The following PLCG2 variants were observed in gnomAD, a reference collection of about 807,000 sequenced individuals.
PLCG2 encodes the protein 1-phosphatidylinositol 4,5-bisphosphate phosphodiesterase gamma-2.
A neutral mutation model predicts 175.6 loss-of-function variants in PLCG2; 69 were observed. That is an observed-to-expected ratio of 0.39 (90% CI 0.32 to 0.48). The LOEUF (loss-of-function observed/expected upper bound fraction) is 0.48. PLCG2 is among the 20% of genes least tolerant of loss of function. PLCG2 has a pLI of 0.91. For synonymous variants in PLCG2, 827 were observed against 624.0 expected, an observed-to-expected ratio of 1.33 and a Z score of -4.85; for missense variants, 1,798 against 1,650.9, an observed-to-expected ratio of 1.09 and a Z score of -1.54.
chr16:81,815,689 C>T (rs558224124), intron 2 of PLCG2, among the ~76,000 whole-genome samples: 1 of 152,056 alleles, frequency 6.6e-6, no homozygotes, highest in African/African-American at 2.4e-5. Flanking sequence ...TTCCAGTTCC[C>T]ATGCAGGTGG....
intron 24 of PLCG2, among the ~76,000 whole-genome samples, chr16:81,930,403 G>C (rs1910450958): frequency 6.6e-6 from 1 of 152,062 alleles, no homozygotes; most frequent in Non-Finnish European, 1.5e-5. Flanking sequence ...GCATTCTTCA[G>C]TCTCCACATT....
At chr16:81,937,933 G>A (rs893867589) in intron 28 of PLCG2, 30 bp downstream of exon 28, 1 of 1,611,356 alleles carries the variant, frequency 6.2e-7, no homozygotes, top group Non-Finnish European at 8.5e-7. Flanking sequence ...CCTGCCAGGG[G>A]AGCCAGCCGC....
In PLCG2 at chr16:81,945,465, G is replaced by C. The variant is rs537366945; in HGVS notation, c.3482-710G>C. On this transcript the variant is annotated intron_variant, in intron 30 of 32. Transcript: ENST00000564138. ...GTTAACCATGGTTCCTTTTAGGACA[G>C]AGAGGAGGATTGGGTGGGAGTGACC... 1.2e-4 allele frequency among the ~76,000 whole-genome samples: 18 copies of C among 152,250 alleles called. 1 individual carries two copies. Among genetic ancestry groups the C allele is most frequent in the Non-Finnish European group, 2.4e-4 (16 of 68,050 alleles).
chr16:81,901,252 G>A (rs547598304), intron 14 of PLCG2, among the ~76,000 whole-genome samples: 100 of 152,336 alleles, frequency 6.6e-4, no homozygotes, highest in African/African-American at 2.3e-3. Flanking sequence ...GCTAGAAAAG[G>A]CTGAGTGCAG....
chr16:81,797,321 G>C (rs1200379182), intron 2 of PLCG2, among the ~76,000 whole-genome samples: 1 of 152,116 alleles, frequency 6.6e-6, no homozygotes, highest in African/African-American at 2.4e-5. Flanking sequence ...CCCCTAGTCT[G>C]TCTTAGATAT....
chr16:81,841,245 TTTATTTA>T (rs869052607), intron 2 of PLCG2, among the ~76,000 whole-genome samples: 1 of 125,470 alleles, frequency 8.0e-6, no homozygotes, highest in South Asian at 2.5e-4. Flanking sequence ...TATTTATTTA[TTTATTTA>T]TTGAGATAGA....
intron 2 of PLCG2, among the ~76,000 whole-genome samples, chr16:81,849,561 C>G (rs1415615959): frequency 6.6e-6 from 1 of 152,032 alleles, no homozygotes. Context: ...GAGTTCGAGA[C>G]AAGCCTGACC....
chr16:81,897,585 G>A (rs145408536), intron 13 of PLCG2, among the ~76,000 whole-genome samples: 4 of 132,980 alleles, frequency 3.0e-5, no homozygotes, highest in East Asian at 4.4e-4. Flanking sequence ...TCCCTCTGTC[G>A]CCCAGGCTAG....
chr16:81,858,822 A>G (rs1211135455), intron 4 of PLCG2, among the ~76,000 whole-genome samples: 1 of 150,440 alleles, frequency 6.6e-6, no homozygotes, highest in Non-Finnish European at 1.5e-5. Context: ...CACTAAATCA[A>G]AGTCCTCTAC....
chr16:81,770,677 G>A (rs934357056), intron 2 of PLCG2, among the ~76,000 whole-genome samples: 11 of 152,028 alleles, frequency 7.2e-5, no homozygotes, highest in Admixed American at 1.3e-4. Flanking sequence ...CTGAGATTGC[G>A]CCACTGCCCT....
chr16:81,826,053 A>G (rs759949467), intron 2 of PLCG2, among the ~76,000 whole-genome samples: 1 of 152,150 alleles, frequency 6.6e-6, no homozygotes, highest in Admixed American at 6.6e-5. Flanking sequence ...TTCAAACTCA[A>G]CGTGTCCAAA....
intron 2 of PLCG2, among the ~76,000 whole-genome samples, chr16:81,850,383 G>A (rs894550817): frequency 6.6e-6 from 1 of 152,164 alleles, no homozygotes; most frequent in Admixed American, 6.5e-5. Flanking sequence ...TTCAGTGCAC[G>A]AAAAGGATCT....
chr16:81,860,604 A>G (rs1261117657), intron 5 of PLCG2, among the ~76,000 whole-genome samples: 2 of 152,026 alleles, frequency 1.3e-5, no homozygotes, highest in Admixed American at 6.6e-5. Flanking sequence ...TGCTTTCTTT[A>G]TGGGTGAGGT....
chr16:81,957,983 C>A lies in PLCG2; in HGVS notation c.3783C>A (p.Ser1261Arg). The part of the protein sequence containing the change: ...KRLREKRVSN[S>R]KFYS The stretch of plus-strand genomic sequence containing the variant: ...TAAGAGAGAAGAGAGTCAGCAACAG[C>A]AAGTTTTACTCATAGAAGCTGGGGT... The change falls in exon 33 of 33, where the codon AGC (serine) becomes AGA (arginine). Residue 1261 changes from serine to arginine, a missense_variant. Physicochemically the swap from Ser to Arg is moderately radical, Grantham distance 110. Transcript: ENST00000564138. The A allele has an allele frequency of 1.2e-6, 2 of 1,613,010 alleles. No homozygotes were observed. Among genetic ancestry groups the A allele is most frequent in the Middle Eastern group, 1.7e-4 (1 of 6,058 alleles).
At chr16:81,816,588 C>A (rs1191211341) in intron 2 of PLCG2, among the ~76,000 whole-genome samples, 1 of 150,898 alleles carries the variant, frequency 6.6e-6, no homozygotes, top group Non-Finnish European at 1.5e-5. Context: ...AAATGATCCT[C>A]CTCCCTCAGC....
At chr16:81,799,531 C>T (rs1911626463) in intron 2 of PLCG2, among the ~76,000 whole-genome samples, 1 of 152,148 alleles carries the variant, frequency 6.6e-6, no homozygotes, top group Non-Finnish European at 1.5e-5. Flanking sequence ...CTCAAGAGAT[C>T]CTCCCATCTT....
chr16:81,882,147 G>A (rs866843312), intron 8 of PLCG2, among the ~76,000 whole-genome samples: 14 of 152,270 alleles, frequency 9.2e-5, no homozygotes, highest in Middle Eastern at 3.4e-3. Context: ...TCCTGCAAGT[G>A]CTCAGGGAAA....
rs1910703477 is a variant in PLCG2, at chr16:81,936,189, A to G, written c.2863A>G (p.Ile955Val). ...TGCAGAAAATCCTGACTTCCGAGAA[A>G]TCCGCTCCTTTGTGGAGACGAAGGC... ...DNLENPDFRE[I>V]RSFVETKADS... The change falls in exon 27 of 33, where the codon ATC becomes GTC. Residue 955 changes from isoleucine (I) to valine (V), a missense_variant. By Grantham distance (29) the Ile-to-Val change is conservative. Transcript: ENST00000564138. The G allele has an allele frequency of 1.9e-6, 3 of 1,614,014 alleles. No individual in the cohort carries two copies. The highest frequency in any genetic ancestry group is 2.2e-5 in the South Asian group (2 of 91,078).
intron 5 of PLCG2, among the ~76,000 whole-genome samples, chr16:81,863,203 A>G (rs1372723795): frequency 1.3e-5 from 2 of 152,166 alleles, no homozygotes; most frequent in Non-Finnish European, 2.9e-5. Context: ...GTAACTCCCC[A>G]TTGATTCTCT....
Sources: allele counts gnomAD v4.1 joint callset (sites outside exome capture counted in the v4.1 genomes callset), GRCh38; gene constraint gnomAD v4.1.1; transcripts MANE v1.5; gene names NCBI Gene and HGNC (gene_info 2026-07-23, HGNC 2026-07-21).